XIRP2: variants seen among roughly 807,000 people sequenced by gnomAD.
The protein encoded by XIRP2 is xin actin-binding repeat-containing protein 2.
A neutral mutation model predicts 277.0 loss-of-function variants in XIRP2; 236 were observed. That is an observed-to-expected ratio of 0.85 (90% confidence interval 0.77 to 0.95). The LOEUF (loss-of-function observed/expected upper bound fraction) is 0.95, where lower values mean the gene tolerates loss of function less well. Among genes scored for constraint, XIRP2 ranks in the 40% least tolerant of loss-of-function variants. XIRP2 has a pLI of 0.00. For missense variants in XIRP2, 4,640 were observed against 4,157.5 expected (o/e 1.12, Z -3.19); for synonymous variants, 1,490 against 1,416.5 (o/e 1.05, Z -1.17).
intron 2 of XIRP2, among the ~76,000 whole-genome samples, chr2:166,916,429 ATT>A (rs199810474): frequency 1.3e-5 from 2 of 152,274 alleles, no homozygotes; most frequent in East Asian, 3.9e-4. Flanking sequence ...AGCATGATGT[ATT>A]TCTGTAAAAG....
rs1684013629 is a variant in XIRP2, at chr2:166,888,510, G to A, written c.-66G>A. 6.6e-6 allele frequency: 1 copy of A among 151,878 alleles called. No individual in the cohort carries two copies. The highest frequency in any genetic ancestry group is 2.4e-5 in the African/African-American group (1 of 41,176). 9.4% of individuals were successfully genotyped at this position (151,878 alleles called of 1,614,324 possible). A position where few individuals can be genotyped will look rare whatever the true frequency, so the allele number is the denominator to read the frequency against. ...TTGGAGAAATCTGGCAGGTCTCTAG[G>A]CAGACAAAAGGGAACATCTGGTAGG... On this transcript the variant is annotated 5_prime_UTR_variant, in exon 1 of 11. Transcript: ENST00000409195.
chr2:166,938,340 A>G (rs904470155), intron 2 of XIRP2, among the ~76,000 whole-genome samples: 1 of 152,014 alleles, frequency 6.6e-6, no homozygotes, highest in Non-Finnish European at 1.5e-5. Flanking sequence ...TTCTGCCTTC[A>G]TTTCGTTATG....
chr2:166,934,995 C>T (rs1685453249), intron 2 of XIRP2, among the ~76,000 whole-genome samples: 1 of 151,712 alleles, frequency 6.6e-6, no homozygotes, highest in Non-Finnish European at 1.5e-5. Flanking sequence ...TGTGCCAGTG[C>T]TCTCCAGCCT....
intron 2 of XIRP2, among the ~76,000 whole-genome samples, chr2:167,123,365 C>T (rs1691108979): frequency 6.6e-6 from 1 of 152,098 alleles, no homozygotes. Context: ...TACGAAGAAA[C>T]TTACTTTAAT....
chr2:167,033,428 T>TA (rs769353722), intron 2 of XIRP2, among the ~76,000 whole-genome samples: 3 of 152,134 alleles, frequency 2.0e-5, no homozygotes, highest in Non-Finnish European at 4.4e-5. Flanking sequence ...TCCCAGAACT[T>TA]AAAGTATAAT....
chr2:166,896,135 C>T lies in XIRP2; in HGVS notation c.-18-7330C>T, dbSNP rs113426269. Among the ~76,000 whole-genome samples the T allele has an allele frequency of 1.3e-3, 199 of 152,240 alleles. 2 individuals are homozygous for T. Among genetic ancestry groups the T allele is most frequent in the African/African-American group, 4.1e-3 (169 of 41,562 alleles). ...TTCAGTTAATGGCAGACTGCATATA[C>T]GGTGGTGGTCCCCTAAGAATATAAC... On this transcript the variant is annotated intron_variant, in intron 1 of 10. Transcript: ENST00000409195.
At chr2:167,089,056 T>C (rs1312985370) in intron 2 of XIRP2, among the ~76,000 whole-genome samples, 1 of 152,152 alleles carries the variant, frequency 6.6e-6, no homozygotes, top group Non-Finnish European at 1.5e-5. Flanking sequence ...AGTGGAATAG[T>C]TACCCTGCTA....
chr2:166,982,520 GT>G (rs1028995689), intron 2 of XIRP2, among the ~76,000 whole-genome samples: 21 of 151,308 alleles, frequency 1.4e-4, no homozygotes, highest in Admixed American at 5.9e-4. Context: ...CCTCTATCAT[GT>G]TTTTTTATTA....
chr2:167,246,899 T>C lies in XIRP2; in HGVS notation c.5507T>C (p.Ile1836Thr). 6.2e-7 allele frequency: 1 copy of C among 1,613,382 alleles called. No individual in the cohort carries two copies. Among genetic ancestry groups the C allele is most frequent in the Non-Finnish European group, 8.5e-7 (1 of 1,179,766 alleles). ...TTTGGTAAGATACCCAAAGAAGAGA[T>C]TATAAAAGGTGATTTGACATCAACC... The part of the protein sequence containing the change: ...STFGKIPKEE[I>T]IKGDLTSTLN... The change falls in exon 9 of 11, where the codon ATT (isoleucine) becomes ACT (threonine). Residue 1836 changes from isoleucine to threonine, a missense_variant. Coordinates refer to ENST00000409195, the MANE Select transcript of XIRP2 (RefSeq NM_152381.6).
intron 2 of XIRP2, among the ~76,000 whole-genome samples, chr2:166,911,293 G>A (rs918370069): frequency 1.3e-5 from 2 of 152,300 alleles, no homozygotes; most frequent in Non-Finnish European, 2.9e-5. Context: ...GAATCTGGGT[G>A]CTCCTGTATT....
intron 3 of XIRP2, among the ~76,000 whole-genome samples, chr2:167,181,388 G>A (rs1413727797): frequency 6.6e-6 from 1 of 152,184 alleles, no homozygotes; most frequent in Non-Finnish European, 1.5e-5. Flanking sequence ...TGCTCACAAA[G>A]ATAACCACAA....
In XIRP2 at chr2:167,247,523, G is replaced by A; in HGVS notation, c.6131G>A (p.Arg2044Lys). ...AATGATGCTCTGGAGAAAAGCCTTA[G>A]AAGACTATCTAATTCACACCATAAA... Reference protein sequence around the residue: ...QNNDALEKSLRRLSNSHHKSN... With the variant: ...QNNDALEKSLKRLSNSHHKSN... The change falls in exon 9 of 11, where the codon AGA becomes AAA. Residue 2044 changes from arginine to lysine, a missense_variant. Physicochemically the swap from Arg to Lys is conservative, Grantham distance 26. Transcript: ENST00000409195. 6.2e-7 allele frequency: 1 copy of A among 1,613,742 alleles called. No homozygotes were observed.
chr2:167,174,549 T>G (rs1156804753), intron 3 of XIRP2, among the ~76,000 whole-genome samples: 5 of 152,118 alleles, frequency 3.3e-5, no homozygotes, highest in Admixed American at 1.3e-4. Context: ...ATTTTGTTAA[T>G]CTTTTCAAAA....
At chr2:167,219,168 A>G (rs1260807988) in intron 5 of XIRP2, among the ~76,000 whole-genome samples, 1 of 152,180 alleles carries the variant, frequency 6.6e-6, no homozygotes, top group Non-Finnish European at 1.5e-5. Context: ...TAAAAATCTC[A>G]TATGTGAAAG....
chr2:167,167,504 C>T (rs1291128443), intron 3 of XIRP2, among the ~76,000 whole-genome samples: 1 of 151,846 alleles, frequency 6.6e-6, no homozygotes, highest in African/African-American at 2.4e-5. Context: ...TTTTTTAAAA[C>T]TTTTTTTAGT....
intron 2 of XIRP2, among the ~76,000 whole-genome samples, chr2:167,092,831 T>C (rs1008837684): frequency 6.6e-6 from 1 of 152,128 alleles, no homozygotes; most frequent in Non-Finnish European, 1.5e-5. Context: ...ACATGCCAGA[T>C]ACTGATCCAG....
chr2:166,910,705 A>G (rs1011147778), intron 2 of XIRP2, among the ~76,000 whole-genome samples: 4 of 152,026 alleles, frequency 2.6e-5, no homozygotes, highest in Non-Finnish European at 5.9e-5. Context: ...TTGTGATGTT[A>G]GGGTGTCAAC....
Position 167,249,194 on chromosome 2 carries a change from T to A in XIRP2, c.7802T>A (p.Ile2601Asn), listed in dbSNP as rs377767168. The A allele has an allele frequency of 1.1e-5, 17 of 1,613,576 alleles. No individual in the cohort carries two copies. Among genetic ancestry groups the A allele is most frequent in the African/African-American group, 1.3e-5 (1 of 74,882 alleles). The change falls in exon 9 of 11, where the codon ATT (isoleucine) becomes AAT (asparagine). Residue 2601 changes from isoleucine (I) to asparagine (N), a missense_variant. Physicochemically the swap from Ile to Asn is moderately radical, Grantham distance 149. Coordinates refer to ENST00000409195, the MANE Select transcript of XIRP2 (RefSeq NM_152381.6). ...AATGAGGAGGTTTCCCTATCTGGAATTGATTCAGAATGCACTGTGGTTCAA... is the reference window on the plus strand; with the variant it reads ...AATGAGGAGGTTTCCCTATCTGGAAATGATTCAGAATGCACTGTGGTTCAA... ...KTNEEVSLSGIDSECTVVQPS... is the reference protein window; with the variant it reads ...KTNEEVSLSGNDSECTVVQPS...
chr2:166,943,215 G>A (rs948641142), intron 2 of XIRP2, among the ~76,000 whole-genome samples: 50 of 152,036 alleles, frequency 3.3e-4, no homozygotes, highest in African/African-American at 1.2e-3. Context: ...TAATATAATA[G>A]AAATATTTGT....
Sources: gnomAD v4.1 joint callset for allele counts (sites outside exome capture counted in the v4.1 genomes callset) on GRCh38, gnomAD v4.1.1 for gene constraint, MANE v1.5 for transcripts, NCBI Gene and HGNC (gene_info 2026-07-23, HGNC 2026-07-21) for gene names.